ZNF568: variants seen among roughly 807,000 people sequenced by gnomAD.
The protein encoded by ZNF568 is zinc finger protein 568, also known as p53 inhibitor of SCO2 activation.
Under a neutral mutation model 18.1 loss-of-function variants are expected in ZNF568, and 11 were observed. That is an observed-to-expected ratio of 0.61 (90% CI 0.38 to 1.00). The LOEUF is 1.00. Ranked by LOEUF, ZNF568 falls within the 50% of genes least tolerant of loss-of-function variation. The pLI, the probability that ZNF568 is intolerant of heterozygous loss-of-function variation, is 0.01. For missense variants in ZNF568, 639 were observed against 768.2 expected (o/e 0.83, Z 1.99); for synonymous variants, 213 against 246.6 (o/e 0.86, Z 1.28).
In ZNF568 at chr19:36,933,914, TTGTTTTTTTG is replaced by T. The variant is rs1232165157; in HGVS notation, c.136-2830_136-2821del. Among the ~76,000 whole-genome samples the T allele has an allele frequency of 6.8e-3, 219 of 31,984 alleles. 14 individuals carry two copies. The highest frequency in any genetic ancestry group is 0.033 in the Admixed American group (111 of 3,332). The allele number at this position is 31,984 out of a possible 152,430, so 21.0% of individuals were successfully genotyped here. The stretch of plus-strand genomic sequence containing the variant: ...TTTTGGGTAGGTTTTTTTTTTTGTT[TTGTTTTTTTG>T]TTTTTTTTTTTTTTTTTTAGTAATT... On this transcript the variant is annotated intron_variant, in intron 4 of 6. Coordinates refer to ENST00000333987, the MANE Select transcript of ZNF568 (RefSeq NM_198539.4).
Position 36,951,065 on chromosome 19 carries a change from G to T in ZNF568, c.1912G>T (p.Gly638Cys). Residue 638 changes from glycine (G) to cysteine (C), a missense_variant, in exon 7 of 7, where the codon GGT becomes TGT. By Grantham distance (159) the Gly-to-Cys change is radical. Transcript: ENST00000333987. Reference protein sequence around the residue: ...SLSIHKRGHTGERHQVY With the variant: ...SLSIHKRGHTCERHQVY ...TTCTATACATAAGAGAGGTCATACA[G>T]GTGAGAGACACCAAGTATATTAAAT... 6.4e-7 allele frequency: 1 copy of T among 1,555,426 alleles called. No homozygotes were observed. Among genetic ancestry groups the T allele is most frequent in the Non-Finnish European group, 8.7e-7 (1 of 1,155,968 alleles).
In ZNF568 at chr19:36,969,748, C is replaced by T. The variant is rs139298472; in HGVS notation, c.359-4672C>T. 2.9e-3 allele frequency among the ~76,000 whole-genome samples: 433 copies of T among 148,816 alleles called. 5 individuals carry two copies. Among genetic ancestry groups the T allele is most frequent in the African/African-American group, 0.01 (418 of 40,592 alleles). On this transcript the variant is annotated intron_variant, in intron 6 of 7. Transcript: ENST00000427117. ...CTTTTAAGGACCCTTGTTGGGCCTA[C>T]TCAGTAATCCAGCATAATCTTCCCA...
chr19:36,989,191 T>A (rs761347874), intron 2 of ZNF568, among the ~76,000 whole-genome samples: 3 of 152,198 alleles, frequency 2.0e-5, no homozygotes, highest in Non-Finnish European at 4.4e-5. Flanking sequence ...CTTTTATTGA[T>A]TGATTGATTG....
At chr19:36,972,624 C>G (rs1278993774) in intron 6 of ZNF568, among the ~76,000 whole-genome samples, 1 of 151,574 alleles carries the variant, frequency 6.6e-6, no homozygotes, top group Non-Finnish European at 1.5e-5. Context: ...AGCCACCCGG[C>G]TTTATCGGGA....
At chr19:36,980,248 T>G (rs529849873), downstream of ZNF568, 6 of 152,304 alleles carry the variant, frequency 3.9e-5, no homozygotes, top group Non-Finnish European at 8.8e-5. Context: ...TTTAATTTAT[T>G]TACATCTTGT....
At chr19:36,933,439 TGATAAA>T (rs2073722919) in intron 4 of ZNF568, among the ~76,000 whole-genome samples, 2 of 152,168 alleles carry the variant, frequency 1.3e-5, no homozygotes, top group African/African-American at 4.8e-5. Flanking sequence ...TTGTTTTCAA[TGATAAA>T]AGGGTGTTGG....
intron 2 of ZNF568, among the ~76,000 whole-genome samples, chr19:36,986,420 C>A (rs931784108): frequency 6.6e-6 from 1 of 152,152 alleles, no homozygotes; most frequent in Admixed American, 6.5e-5. Flanking sequence ...ATTCCCTGGG[C>A]AAAATAAGCC....
At chr19:36,975,156 T>C (rs4006399) in intron 7 of ZNF568, among the ~76,000 whole-genome samples, 3,455 of 57,714 alleles carry the variant, frequency 0.06, 46 homozygotes, top group African/African-American at 0.12. Flanking sequence ...TTCTTTCTTT[T>C]TTTTTTTTTT....
intron 6 of ZNF568, among the ~76,000 whole-genome samples, chr19:36,962,285 T>G (rs1470906153): frequency 6.9e-6 from 1 of 144,042 alleles, no homozygotes; most frequent in African/African-American, 2.5e-5. Flanking sequence ...GTGTTTTTTT[T>G]TTTTTTTTTT....
chr19:36,996,365 T>C, exon 5 of ZNF568: 2 of 1,534,386 alleles, frequency 1.3e-6, no homozygotes, highest in South Asian at 2.4e-5. Context: ...AAGGAAAACA[T>C]TTATGAAATT....
At chr19:36,942,297 A>G (rs571695780) in intron 6 of ZNF568, among the ~76,000 whole-genome samples, 1 of 152,026 alleles carries the variant, frequency 6.6e-6, no homozygotes, top group South Asian at 2.1e-4. Context: ...ATTTTCAAAC[A>G]TAAGAATAGA....
Position 36,952,675 on chromosome 19 carries a change from A to C in ZNF568, c.*1587A>C. On this transcript the variant is annotated 3_prime_UTR_variant, in exon 7 of 7. Transcript: ENST00000333987. ...GACTTTAGCTTTGCTTGTAGTTTTT[A>C]TACCTTAAAAAGACTGGTAGCATAT... is the stretch of plus-strand genomic sequence containing the variant. 1.1e-5 allele frequency: 6 copies of C among 526,488 alleles called. No individual in the cohort carries two copies. Among genetic ancestry groups the C allele is most frequent in the Non-Finnish European group, 1.5e-5 (6 of 410,836 alleles). 32.6% of individuals were successfully genotyped at this position (526,488 alleles called of 1,614,324 possible). A position where few individuals can be genotyped will look rare whatever the true frequency, so the allele number is the denominator to read the frequency against.
chr19:36,995,752 A>C (rs2074464804), intron 4 of ZNF568, among the ~76,000 whole-genome samples: 2 of 151,762 alleles, frequency 1.3e-5, no homozygotes, highest in Non-Finnish European at 1.5e-5. Context: ...TAGCATTTCA[A>C]CTTAAAACAA....
At chr19:36,926,291 T>A (rs981103867) in intron 4 of ZNF568, among the ~76,000 whole-genome samples, 6 of 152,198 alleles carry the variant, frequency 3.9e-5, no homozygotes, top group Admixed American at 1.3e-4. Flanking sequence ...ATATTTTGAA[T>A]GTTTTCTGCT....
chr19:36,918,776 C>G (rs924173913), intron 2 of ZNF568, among the ~76,000 whole-genome samples: 4 of 152,216 alleles, frequency 2.6e-5, no homozygotes, highest in African/African-American at 4.8e-5. Flanking sequence ...CAGTACCTAT[C>G]AAACAATAAC....
chr19:36,976,594 C>T (rs1280476440), intron 7 of ZNF568, among the ~76,000 whole-genome samples: 2 of 152,196 alleles, frequency 1.3e-5, no homozygotes, highest in African/African-American at 2.4e-5. Flanking sequence ...TCAAGTCACT[C>T]GCCTCAAAGT....
chr19:36,964,953 C>A (rs2074183340), intron 6 of ZNF568, among the ~76,000 whole-genome samples: 1 of 150,488 alleles, frequency 6.6e-6, no homozygotes, highest in Non-Finnish European at 1.5e-5. Flanking sequence ...TAAAAATGAT[C>A]TTCTGCGCTC....
intron 2 of ZNF568, among the ~76,000 whole-genome samples, chr19:36,918,457 C>T (rs970877213): frequency 6.7e-6 from 1 of 149,590 alleles, no homozygotes; most frequent in Middle Eastern, 3.2e-3. Context: ...CATTGTTACA[C>T]GTTATTGTTT....
chr19:36,997,027 A>G (rs1393478613), exon 5 of ZNF568: 1 of 1,561,794 alleles, frequency 6.4e-7, no homozygotes, highest in Admixed American at 1.9e-5. Flanking sequence ...AAGAATCCAT[A>G]CGGGTGAGAA....
Sources: allele counts gnomAD v4.1 joint callset (sites outside exome capture counted in the v4.1 genomes callset), GRCh38; gene constraint gnomAD v4.1.1; transcripts MANE v1.5; gene names NCBI Gene and HGNC (gene_info 2026-07-23, HGNC 2026-07-21).